KHDRBS2: variants seen among roughly 807,000 people sequenced by gnomAD.
KHDRBS2 encodes the protein KH RNA binding domain containing, signal transduction associated 2.
Under a neutral mutation model 44.3 loss-of-function variants are expected in KHDRBS2, and 26 were observed. That is an observed-to-expected ratio of 0.59 (90% CI 0.43 to 0.81). KHDRBS2 has a LOEUF of 0.81. Ranked by LOEUF, KHDRBS2 falls within the 40% of genes least tolerant of loss-of-function variation. The pLI, the probability that KHDRBS2 is intolerant of heterozygous loss-of-function variation, is 0.00. For synonymous variants in KHDRBS2, 194 were observed against 151.1 expected, an observed-to-expected ratio of 1.28 and a Z score of -2.08; for missense variants, 476 against 433.1, an observed-to-expected ratio of 1.10 and a Z score of -0.88.
intron 6 of KHDRBS2, among the ~76,000 whole-genome samples, chr6:61,760,649 A>G (rs1356745442): frequency 2.0e-5 from 3 of 152,110 alleles, no homozygotes; most frequent in Non-Finnish European, 4.4e-5. Flanking sequence ...AAAAAGGAAA[A>G]AAAGAAAAAA....
chr6:62,240,672 G>GTGTA (rs1252806819), intron 1 of KHDRBS2, among the ~76,000 whole-genome samples: 743 of 64,082 alleles, frequency 0.012, 4 homozygotes, highest in Non-Finnish European at 0.016. Context: ...ATGTGTGTGT[G>GTGTA]TATATATATA....
At chr6:61,861,749 G>T (rs915179772) in intron 6 of KHDRBS2, among the ~76,000 whole-genome samples, 2 of 151,520 alleles carry the variant, frequency 1.3e-5, no homozygotes, top group East Asian at 1.9e-4. Context: ...ATTCTGTAAA[G>T]GATGTCAATG....
the KHDRBS2 span, among the ~76,000 whole-genome samples, chr6:61,607,888 A>T: frequency 7.9e-5 from 12 of 152,090 alleles, no homozygotes; most frequent in Non-Finnish European, 4.4e-5. Context: ...GGGTTTCACC[A>T]TGTTGGCCAG....
chr6:62,042,115 A>G (rs1337154081), intron 3 of KHDRBS2, among the ~76,000 whole-genome samples: 1 of 152,102 alleles, frequency 6.6e-6, no homozygotes, highest in Non-Finnish European at 1.5e-5. Context: ...CCACAAATAT[A>G]TATATTTTAA....
At chr6:62,153,132 G>A (rs1447473729) in intron 2 of KHDRBS2, among the ~76,000 whole-genome samples, 2 of 152,154 alleles carry the variant, frequency 1.3e-5, no homozygotes, top group Non-Finnish European at 2.9e-5. Flanking sequence ...ATATCTGAAG[G>A]ATTAGTTTCA....
intron 4 of KHDRBS2, among the ~76,000 whole-genome samples, chr6:61,922,653 C>A (rs1190279832): frequency 1.3e-5 from 2 of 152,114 alleles, no homozygotes; most frequent in East Asian, 1.9e-4. Flanking sequence ...ACATGGATAT[C>A]AGGTAGACTG....
At chr6:61,599,717 A>G in the KHDRBS2 span, among the ~76,000 whole-genome samples, 1 of 152,192 alleles carries the variant, frequency 6.6e-6, no homozygotes, top group Non-Finnish European at 1.5e-5. Flanking sequence ...GGGATTTCTT[A>G]TAAAGACAAA....
At chr6:61,741,666 A>G (rs1214436950) in intron 6 of KHDRBS2, among the ~76,000 whole-genome samples, 1 of 151,892 alleles carries the variant, frequency 6.6e-6, no homozygotes, top group Non-Finnish European at 1.5e-5. Context: ...TGTAAGTCAA[A>G]AATTGTCAGA....
At chr6:62,149,576 T>C (rs1814655886) in intron 2 of KHDRBS2, among the ~76,000 whole-genome samples, 1 of 152,102 alleles carries the variant, frequency 6.6e-6, no homozygotes, top group African/African-American at 2.4e-5. Flanking sequence ...AACCCACTGG[T>C]GTTTGTTGTT....
chr6:62,007,966 A>G (rs1516710), intron 3 of KHDRBS2, among the ~76,000 whole-genome samples: 126,075 of 152,110 alleles, frequency 0.83, 52,624 homozygotes, highest in Admixed American at 0.88. Context: ...TGATTTCTGA[A>G]TATACAAGAT....
At chr6:61,904,925 A>G (rs1369000506) in intron 4 of KHDRBS2, among the ~76,000 whole-genome samples, 1 of 152,226 alleles carries the variant, frequency 6.6e-6, no homozygotes, top group Non-Finnish European at 1.5e-5. Context: ...AGTTCCTAAG[A>G]TCACAAGGCT....
chr6:61,817,094 C>A (rs1217588519), intron 6 of KHDRBS2: 1 of 388,508 alleles, frequency 2.6e-6, no homozygotes, highest in African/African-American at 2.1e-5. Flanking sequence ...ACAAAGCAAT[C>A]ACATTTCTCT....
chr6:61,607,520 C>CAAAAAAAAAAAAAAAAAAA, the KHDRBS2 span, among the ~76,000 whole-genome samples: 7 of 41,110 alleles, frequency 1.7e-4, 2 homozygotes, highest in African/African-American at 2.7e-4. Context: ...GAGTTCCAAG[C>CAAAAAAAAAAAAAAAAAAA]AAAAAAAAAA....
At chr6:61,795,806 T>C (rs1393908126) in intron 6 of KHDRBS2, among the ~76,000 whole-genome samples, 2 of 152,222 alleles carry the variant, frequency 1.3e-5, no homozygotes, top group East Asian at 3.8e-4. Context: ...TTACTTTGTC[T>C]GCTCCAGTTC....
chr6:61,900,764 A>G (rs1803828680), intron 5 of KHDRBS2, among the ~76,000 whole-genome samples: 1 of 152,188 alleles, frequency 6.6e-6, no homozygotes, highest in Non-Finnish European at 1.5e-5. Context: ...TGGGAAGACT[A>G]TATCAATTCA....
intron 6 of KHDRBS2, among the ~76,000 whole-genome samples, chr6:61,851,352 C>A (rs1043119708): frequency 6.6e-6 from 1 of 151,808 alleles, no homozygotes; most frequent in Non-Finnish European, 1.5e-5. Context: ...TAAATTCAGG[C>A]TTTTGGCATC....
In KHDRBS2 at chr6:61,719,270, C is replaced by A. The variant is rs143469768; in HGVS notation, c.893+13412G>T. On this transcript the variant is annotated intron_variant, in intron 7 of 8. Transcript: ENST00000281156. Reference sequence around the variant, plus strand: ...TCAAAGATCTGAATTGGTCTTTTGGCTTTTATTTGCAATATTGCCACTTGT... The same window carrying A: ...TCAAAGATCTGAATTGGTCTTTTGGATTTTATTTGCAATATTGCCACTTGT... Among the ~76,000 whole-genome samples the A allele has an allele frequency of 2.0e-4, 31 of 152,128 alleles. No individual in the cohort carries two copies. In the East Asian group the frequency reaches 5.6e-3, roughly 28 times the overall value.
intron 4 of KHDRBS2, among the ~76,000 whole-genome samples, chr6:61,950,472 T>G (rs1280429847): frequency 6.6e-6 from 1 of 151,984 alleles, no homozygotes; most frequent in African/African-American, 2.4e-5. Context: ...AGATAGAGCT[T>G]CCTTATGTTT....
intron 1 of KHDRBS2, among the ~76,000 whole-genome samples, chr6:62,270,663 A>C (rs189967767): frequency 5.3e-5 from 8 of 152,210 alleles, no homozygotes; most frequent in African/African-American, 1.9e-4. Context: ...TAAGTTTTAT[A>C]CTTAAAAACT....
Sources: gnomAD v4.1 joint callset for allele counts (sites outside exome capture counted in the v4.1 genomes callset) on GRCh38, gnomAD v4.1.1 for gene constraint, MANE v1.5 for transcripts, NCBI Gene and HGNC (gene_info 2026-07-23, HGNC 2026-07-21) for gene names.